Variants in DDX46 observed in about 807,000 individuals in gnomAD.
DDX46 encodes probable ATP-dependent RNA helicase DDX46.
DDX46 carries 30 observed loss-of-function variants against 134.9 expected under a neutral mutation model. That is an observed-to-expected ratio of 0.22 (90% CI 0.17 to 0.30). The LOEUF (loss-of-function observed/expected upper bound fraction) is 0.30, where lower values mean the gene tolerates loss of function less well. DDX46 is among the 10% of genes least tolerant of loss of function. DDX46 has a pLI of 1.00. For missense variants in DDX46, 622 were observed against 1,248.7 expected, an observed-to-expected ratio of 0.50 and a Z score of 7.56; for synonymous variants, 415 against 404.1, an observed-to-expected ratio of 1.03 and a Z score of -0.32.
rs373145629 is a variant in DDX46, at chr5:134,820,000, C to T, written c.2977+996C>T. Reference sequence around the variant, plus strand: ...GCAATAGCGCGATCTTGACTCACTGCAACCTCCACCTCCCGGGTTCAAGCA... The same window carrying T: ...GCAATAGCGCGATCTTGACTCACTGTAACCTCCACCTCCCGGGTTCAAGCA... On this transcript the variant is annotated intron_variant, in intron 21 of 22. Transcript: ENST00000452510. Among the ~76,000 whole-genome samples the T allele has an allele frequency of 1.4e-4, 21 of 152,252 alleles. No individual in the cohort carries two copies. In the East Asian group the frequency reaches 4.1e-3, roughly 29 times the overall value.
Position 134,817,547 on chromosome 5 carries a change from G to T in DDX46, c.2665G>T (p.Ala889Ser), listed in dbSNP as rs1286818822. Residue 889 changes from alanine (A) to serine (S), a missense_variant, in exon 20 of 23, where the codon GCT becomes TCT. By Grantham distance (99) the Ala-to-Ser change is moderately conservative. This residue lies in a region of DDX46 where 76 missense variants were observed against 213.0 expected (regional missense o/e 0.36). Transcript: ENST00000452510. The stretch of plus-strand genomic sequence containing the variant: ...AATTCTTAGGGGTGGCACCATTCTG[G>T]CTCCCACTGTTTCTGCAAAAACCAT... ...NAILRGGTIL[A>S]PTVSAKTIAE... The T allele has an allele frequency of 6.2e-7, 1 of 1,614,040 alleles. No homozygotes were observed. The highest frequency in any genetic ancestry group is 1.7e-5 in the Admixed American group (1 of 59,998).
chr5:134,795,917 A>G (rs1754641955), intron 14 of DDX46, 71 bp from the exon 15 acceptor site: 1 of 1,380,422 alleles, frequency 7.2e-7, no homozygotes, highest in Non-Finnish European at 1.0e-6. Context: ...TACAAATAAA[A>G]TGAATATTTC....
intron 8 of DDX46, 133 bp downstream of exon 8, chr5:134,782,219 T>G: frequency 9.7e-7 from 1 of 1,034,376 alleles, no homozygotes; most frequent in Non-Finnish European, 1.3e-6. Context: ...GATCAAAAAT[T>G]AATTGGCCAG....
intron 2 of DDX46, among the ~76,000 whole-genome samples, 182 bp from the exon 3 acceptor site, chr5:134,766,735 G>T (rs529033067): frequency 6.6e-6 from 1 of 152,200 alleles, no homozygotes; most frequent in East Asian, 1.9e-4. Context: ...AAAAATGAAA[G>T]AAATAAATTA....
At chr5:134,823,254 G>A (rs551542305) in intron 21 of DDX46, among the ~76,000 whole-genome samples, 15 of 145,696 alleles carry the variant, frequency 1.0e-4, no homozygotes, top group African/African-American at 3.8e-4. Context: ...TCTGCCTCCT[G>A]GCAGCCTCCC....
chr5:134,767,864 C>T (rs254700), intron 3 of DDX46, among the ~76,000 whole-genome samples: 8,864 of 151,158 alleles, frequency 0.059, 632 homozygotes, highest in African/African-American at 0.18. Context: ...GCCGGAGAAT[C>T]GCTTGAACCC....
intron 6 of DDX46, among the ~76,000 whole-genome samples, chr5:134,779,324 G>C (rs914296661): frequency 3.6e-4 from 55 of 152,006 alleles, no homozygotes; most frequent in African/African-American, 1.3e-3. Context: ...CTCCCGAGTA[G>C]CTGGGATTAC....
chr5:134,766,334 G>T (rs759220409), intron 2 of DDX46, among the ~76,000 whole-genome samples: 4 of 151,610 alleles, frequency 2.6e-5, no homozygotes, highest in Non-Finnish European at 2.9e-5. Context: ...GAGGCAGGCA[G>T]ATCACCTGCG....
chr5:134,762,944 A>T (rs1372479783), intron 1 of DDX46, among the ~76,000 whole-genome samples: 2 of 151,962 alleles, frequency 1.3e-5, no homozygotes, highest in Non-Finnish European at 2.9e-5. Context: ...CTATAGTCCT[A>T]GCTACTCGGG....
At chr5:134,792,984 C>T (rs540768167) in intron 13 of DDX46, among the ~76,000 whole-genome samples, 71 of 152,080 alleles carry the variant, frequency 4.7e-4, no homozygotes, top group African/African-American at 1.7e-3. Flanking sequence ...GGCGAAACCT[C>T]GTCTCTACAA....
chr5:134,826,901 T>G (rs1580825530), intron 21 of DDX46, 46 bp from the exon 22 acceptor site: 3 of 1,586,334 alleles, frequency 1.9e-6, no homozygotes, highest in Non-Finnish European at 2.6e-6. Flanking sequence ...GTAAACACAG[T>G]GTAAGTTTAG....
At chr5:134,762,906 A>G (rs1443848145) in intron 1 of DDX46, among the ~76,000 whole-genome samples, 1 of 151,586 alleles carries the variant, frequency 6.6e-6, no homozygotes, top group East Asian at 1.9e-4. Context: ...AATGCAAAAA[A>G]AATTTAGCCT....
chr5:134,774,765 T>C (rs747765450), intron 5 of DDX46, among the ~76,000 whole-genome samples: 1 of 152,138 alleles, frequency 6.6e-6, no homozygotes, highest in South Asian at 2.1e-4. Flanking sequence ...GGCACAGTCA[T>C]AGTTCACTGC....
chr5:134,818,817 C>A, intron 20 of DDX46, 43 bp from the exon 21 acceptor site: 1 of 1,560,416 alleles, frequency 6.4e-7, no homozygotes, highest in South Asian at 1.2e-5. Context: ...ATTTTTTTGT[C>A]CTGTTATGAA....
intron 3 of DDX46, among the ~76,000 whole-genome samples, chr5:134,768,633 A>G (rs1187799087): frequency 6.6e-6 from 1 of 151,192 alleles, no homozygotes; most frequent in African/African-American, 2.5e-5. Context: ...AGCACCAATT[A>G]TAAAGGAGAA....
At chr5:134,783,829 G>A (rs1032184073) in intron 9 of DDX46, among the ~76,000 whole-genome samples, 4 of 150,344 alleles carry the variant, frequency 2.7e-5, no homozygotes, top group East Asian at 2.0e-4. Flanking sequence ...GATTACAGGC[G>A]TGAGCCACCA....
At chr5:134,759,078 C>T (rs1753294686) in intron 1 of DDX46, 123 bp downstream of exon 1, 2 of 1,452,638 alleles carry the variant, frequency 1.4e-6, no homozygotes, top group African/African-American at 1.4e-5. Flanking sequence ...AGCGCTGCCC[C>T]GCGAGCATTG....
chr5:134,811,372 C>T lies in DDX46; in HGVS notation c.2286+14C>T, dbSNP rs372262506. 1.2e-6 allele frequency: 2 copies of T among 1,611,346 alleles called. No homozygotes were observed. The highest frequency in any genetic ancestry group is 1.7e-6 in the Non-Finnish European group (2 of 1,178,754). Reference sequence around the variant, plus strand: ...CAGCAGAAAGCTGTGAGTTTTTAACCCATGTTACTCTTCTAGAAATCATTA... The same window carrying T: ...CAGCAGAAAGCTGTGAGTTTTTAACTCATGTTACTCTTCTAGAAATCATTA... On this transcript the variant is annotated intron_variant, in intron 17 of 22. Coordinates refer to ENST00000452510, the MANE Select transcript of DDX46 (RefSeq NM_001300860.2).
At chr5:134,781,859 G>A in intron 7 of DDX46, 62 bp from the exon 8 acceptor site, 1 of 1,464,196 alleles carries the variant, frequency 6.8e-7, no homozygotes, top group Non-Finnish European at 9.3e-7. Flanking sequence ...TAGGAGTATT[G>A]CTTCCCACAA....
Sources: allele counts gnomAD v4.1 joint callset (sites outside exome capture counted in the v4.1 genomes callset), GRCh38; gene constraint gnomAD v4.1.1; regional missense constraint gnomAD v4.1.1; transcripts MANE v1.5; gene names NCBI Gene and HGNC (gene_info 2026-07-23, HGNC 2026-07-21).